The following NUP155 variants were observed in gnomAD, a reference collection of about 807,000 sequenced individuals.
The protein encoded by NUP155 is nucleoporin 155, also known as nuclear pore complex protein Nup155.
Under a neutral mutation model 180.4 loss-of-function variants are expected in NUP155, and 71 were observed. The observed-to-expected ratio is 0.39, with a 90% CI of 0.33 to 0.48. NUP155 has a LOEUF of 0.48. NUP155 is among the 20% of genes least tolerant of loss of function. NUP155 has a pLI of 0.91. For missense variants in NUP155, 1,553 were observed against 1,648.9 expected, an observed-to-expected ratio of 0.94 and a Z score of 1.01; for synonymous variants, 582 against 559.5, an observed-to-expected ratio of 1.04 and a Z score of -0.57.
At chr5:37,301,407 C>T in intron 30 of NUP155, 30 bp downstream of exon 30, 1 of 1,424,612 alleles carries the variant, frequency 7.0e-7, no homozygotes, top group Middle Eastern at 1.8e-4. Flanking sequence ...TAGGTAACTA[C>T]TATAAAAATT....
chr5:37,306,642 A>G (rs1243195837), intron 25 of NUP155, among the ~76,000 whole-genome samples: 1 of 151,378 alleles, frequency 6.6e-6, no homozygotes, highest in African/African-American at 2.4e-5. Flanking sequence ...TAATTTTTGT[A>G]TTTTAGTAGA....
At chr5:37,301,702 C>G (rs185297688) in intron 29 of NUP155, 152 bp from the exon 30 acceptor site, 1 of 668,404 alleles carries the variant, frequency 1.5e-6, no homozygotes, top group African/African-American at 1.8e-5. Flanking sequence ...TCATAACAGA[C>G]ATCAACTAAA....
chr5:37,351,274 A>G lies in NUP155; in HGVS notation c.639T>C (p.Thr213=). 1 of 1,612,598 alleles carries G rather than the reference A, an allele frequency of 6.2e-7. No homozygotes were observed. The highest frequency in any genetic ancestry group is 8.5e-7 in the Non-Finnish European group (1 of 1,178,724). Residue 213 remains threonine (T), a synonymous_variant, in exon 6 of 35, where the codon ACT becomes ACC. Coordinates refer to ENST00000231498, the MANE Select transcript of NUP155 (RefSeq NM_153485.3). Reference sequence around the variant, plus strand: ...CAGTGGAAGTTATTGTTAAAAGGTAAGTATTATCAGTAGGAAGAGAATATA... The same window carrying G: ...CAGTGGAAGTTATTGTTAAAAGGTAGGTATTATCAGTAGGAAGAGAATATA... ...DPLYSLPTDN[T]YLLTITSTDN... is the part of the protein sequence containing the mutation.
chr5:37,334,403 C>T (rs1745184852), intron 12 of NUP155, among the ~76,000 whole-genome samples: 1 of 150,050 alleles, frequency 6.7e-6, no homozygotes, highest in African/African-American at 2.5e-5. Flanking sequence ...TTTTCTGAGG[C>T]AGAGTCTCAC....
chr5:37,335,795 C>A (rs1049607162), intron 12 of NUP155, among the ~76,000 whole-genome samples: 1 of 151,724 alleles, frequency 6.6e-6, no homozygotes, highest in Non-Finnish European at 1.5e-5. Flanking sequence ...ACTAAAAATA[C>A]AAAAAAATTA....
chr5:37,351,081 A>T, intron 6 of NUP155, 109 bp downstream of exon 6: 1 of 897,260 alleles, frequency 1.1e-6, no homozygotes, highest in Non-Finnish European at 1.7e-6. Context: ...TTGAATATTT[A>T]CCATAAAAAT....
At chr5:37,313,439 AAAG>A (rs1433401466) in intron 22 of NUP155, among the ~76,000 whole-genome samples, 4 of 151,392 alleles carry the variant, frequency 2.6e-5, no homozygotes, top group Non-Finnish European at 4.4e-5. Flanking sequence ...AAAAAAAAAA[AAAG>A]AAAACATAAA....
At chr5:37,359,228 CAAAGA>C (rs1315675956) in intron 3 of NUP155, among the ~76,000 whole-genome samples, 1 of 150,358 alleles carries the variant, frequency 6.7e-6, no homozygotes, top group Non-Finnish European at 1.5e-5. Context: ...AATAAACAAG[CAAAGA>C]AAACTGTTTC....
intron 8 of NUP155, among the ~76,000 whole-genome samples, chr5:37,348,842 G>A (rs1439733391): frequency 6.6e-6 from 1 of 151,542 alleles, no homozygotes; most frequent in Admixed American, 6.6e-5. Context: ...TGCAACCTCC[G>A]CCGCCCAGGT....
chr5:37,301,446 G>A lies in NUP155; in HGVS notation c.3552C>T (p.Asp1184=), dbSNP rs1007386918. The A allele has an allele frequency of 6.2e-7, 1 of 1,603,660 alleles. No individual in the cohort carries two copies. The highest frequency in any genetic ancestry group is 1.3e-5 in the African/African-American group (1 of 74,812). ...AVSQLDSELM[D]ITKLYGEFAD... is the part of the protein sequence containing the mutation. ...CTTGCTTTTTTATTACCTTAGTTAT[G>A]TCCATCAGCTCAGAATCCAGCTGAG... Residue 1184 remains aspartate, a synonymous_variant, in exon 30 of 35, where the codon GAC becomes GAT. Coordinates refer to ENST00000231498, the MANE Select transcript of NUP155 (RefSeq NM_153485.3).
At chr5:37,303,201 TG>T in intron 28 of NUP155, 58 bp downstream of exon 28, 1 of 1,571,152 alleles carries the variant, frequency 6.4e-7, no homozygotes, top group Non-Finnish European at 8.7e-7. Flanking sequence ...GAAAACTGAA[TG>T]TAAGTACATA....
rs370258997 is a variant in NUP155, at chr5:37,330,094, G to A, written c.1668C>T (p.Cys556=). 5 of 1,613,600 alleles carry A rather than the reference G, an allele frequency of 3.1e-6. No homozygotes were observed. In the African/African-American group the frequency reaches 5.3e-5, roughly 17 times the overall value. Residue 556 remains cysteine, a synonymous_variant, in exon 15 of 35, where the codon TGC becomes TGT. Coordinates refer to ENST00000231498, the MANE Select transcript of NUP155 (RefSeq NM_153485.3). ...CTTCTCTATCACAGGCAGCAGTGGA[G>A]CAAGCAAGAATAAGGCAAGTTGCAC... ...QACATCLILA[C]STAACDREVS...
intron 5 of NUP155, 119 bp downstream of exon 5, chr5:37,352,618 A>G (rs1746540173): frequency 4.2e-6 from 3 of 710,162 alleles, no homozygotes; most frequent in Non-Finnish European, 7.7e-6. Context: ...ATTTGGCAGT[A>G]ATAATCATTA....
intron 12 of NUP155, among the ~76,000 whole-genome samples, chr5:37,334,157 G>A (rs376429317): frequency 3.3e-5 from 5 of 150,844 alleles, no homozygotes; most frequent in South Asian, 4.2e-4. Context: ...GCTGGAGTGC[G>A]CTGGCACGAT....
intron 24 of NUP155, among the ~76,000 whole-genome samples, chr5:37,307,871 G>A (rs1743258097): frequency 6.7e-6 from 1 of 148,714 alleles, no homozygotes; most frequent in Non-Finnish European, 1.5e-5. Context: ...GTAGTGAGCT[G>A]AGATTGCACC....
chr5:37,334,956 G>A (rs1350802615), intron 12 of NUP155, among the ~76,000 whole-genome samples: 6 of 151,838 alleles, frequency 4.0e-5, no homozygotes, highest in Non-Finnish European at 8.8e-5. Flanking sequence ...TCAGGAGTTC[G>A]AGACCAGCCA....
At chr5:37,293,835 T>C (rs1486877641) in intron 33 of NUP155, among the ~76,000 whole-genome samples, 1 of 108,554 alleles carries the variant, frequency 9.2e-6, no homozygotes, top group East Asian at 2.1e-4. Context: ...CCGTCTCTAC[T>C]AAAAATACAA....
intron 8 of NUP155, 89 bp from the exon 9 acceptor site, chr5:37,348,685 T>C: frequency 2.5e-6 from 2 of 796,944 alleles, no homozygotes; most frequent in Non-Finnish European, 4.4e-6. Flanking sequence ...CCTTTAATAT[T>C]GGTATTTAAT....
At chr5:37,327,952 A>C (rs1374857457) in intron 17 of NUP155, among the ~76,000 whole-genome samples, 176 bp from the exon 18 acceptor site, 1 of 152,240 alleles carries the variant, frequency 6.6e-6, no homozygotes, top group Non-Finnish European at 1.5e-5. Context: ...ACAATGAAAT[A>C]CATAGATATT....
Sources: allele counts gnomAD v4.1 joint callset (sites outside exome capture counted in the v4.1 genomes callset), GRCh38; gene constraint gnomAD v4.1.1; transcripts MANE v1.5; gene names NCBI Gene and HGNC (gene_info 2026-07-23, HGNC 2026-07-21).